APBB2: variants seen among roughly 807,000 people sequenced by gnomAD.
The protein encoded by APBB2 is amyloid beta precursor protein binding family B member 2.
In APBB2, 38 loss-of-function variants were observed where a neutral mutation model predicts 82.5. That is an observed-to-expected ratio of 0.46 (90% CI 0.36 to 0.60). The LOEUF is 0.60. APBB2 is among the 20% of genes least tolerant of loss of function. APBB2 has a pLI of 0.00. For synonymous variants in APBB2, 341 were observed against 368.2 expected, an observed-to-expected ratio of 0.93 and a Z score of 0.85; for missense variants, 772 against 972.3, an observed-to-expected ratio of 0.79 and a Z score of 2.74.
intron 3 of APBB2, among the ~76,000 whole-genome samples, chr4:41,095,105 T>C (rs1743075543): frequency 6.6e-6 from 1 of 152,234 alleles, no homozygotes; most frequent in Non-Finnish European, 1.5e-5. Flanking sequence ...GTTAAGAGCA[T>C]AAACATGACA....
intron 12 of APBB2, among the ~76,000 whole-genome samples, chr4:40,879,551 A>C (rs564921188): frequency 3.0e-4 from 45 of 152,208 alleles, no homozygotes; most frequent in Non-Finnish European, 5.6e-4. Flanking sequence ...ATGAAGAGTC[A>C]CCAACTCGTT....
intron 6 of APBB2, among the ~76,000 whole-genome samples, chr4:40,989,713 C>T (rs1452226970): frequency 2.0e-5 from 3 of 152,194 alleles, no homozygotes; most frequent in Non-Finnish European, 2.9e-5. Flanking sequence ...GTCCAGGTCT[C>T]GCTGTCCCAA....
chr4:41,137,560 T>A (rs1757923527), intron 2 of APBB2, among the ~76,000 whole-genome samples: 2 of 152,190 alleles, frequency 1.3e-5, no homozygotes, highest in South Asian at 4.1e-4. Context: ...ACAACAGTGT[T>A]TTTTAGTGAA....
chr4:40,825,291 A>T (rs1749503611), intron 15 of APBB2, among the ~76,000 whole-genome samples: 1 of 152,198 alleles, frequency 6.6e-6, no homozygotes, highest in South Asian at 2.1e-4. Flanking sequence ...AGAATGCCAG[A>T]CTGTTTTCCA....
intron 6 of APBB2, among the ~76,000 whole-genome samples, chr4:41,004,176 C>T (rs1200491862): frequency 6.6e-6 from 1 of 152,158 alleles, no homozygotes; most frequent in Non-Finnish European, 1.5e-5. Context: ...ACCTCGGCCT[C>T]CCAAACTGCT....
At chr4:41,057,228 A>T (rs1312292780) in intron 4 of APBB2, among the ~76,000 whole-genome samples, 2 of 152,190 alleles carry the variant, frequency 1.3e-5, no homozygotes, top group African/African-American at 4.8e-5. Context: ...AGGCGGGCAG[A>T]TCACCTCAGG....
intron 2 of APBB2, among the ~76,000 whole-genome samples, chr4:41,102,426 T>C (rs1018367614): frequency 2.0e-5 from 3 of 152,238 alleles, no homozygotes; most frequent in African/African-American, 2.4e-5. Flanking sequence ...GGCATCACTG[T>C]ATTACCATAC....
intron 5 of APBB2, among the ~76,000 whole-genome samples, chr4:41,020,240 C>T (rs62412123): frequency 0.046 from 6,973 of 152,306 alleles, 337 homozygotes; most frequent in African/African-American, 0.12. Flanking sequence ...AACCCATAGC[C>T]TTCCTATCAA....
At chr4:41,066,578 G>A (rs1403758943) in intron 3 of APBB2, among the ~76,000 whole-genome samples, 1 of 152,220 alleles carries the variant, frequency 6.6e-6, no homozygotes, top group African/African-American at 2.4e-5. Context: ...GAAATGGACA[G>A]GTCAGGGAGG....
chr4:40,935,023 G>T, intron 8 of APBB2, 54 bp downstream of exon 8: 1 of 1,345,970 alleles, frequency 7.4e-7, no homozygotes, highest in African/African-American at 1.5e-5. Context: ...TACAGCCACA[G>T]CCATGCAGAA....
chr4:40,968,720 C>A (rs1795259428), intron 6 of APBB2, among the ~76,000 whole-genome samples: 1 of 152,144 alleles, frequency 6.6e-6, no homozygotes, highest in Admixed American at 6.5e-5. Context: ...CTATCTGACA[C>A]TAAAACTTGT....
At chr4:41,201,105 T>C (rs1225404170) in intron 1 of APBB2, among the ~76,000 whole-genome samples, 1 of 152,206 alleles carries the variant, frequency 6.6e-6, no homozygotes, top group Non-Finnish European at 1.5e-5. Context: ...AGTTGCCTTA[T>C]ACGGAGGGCT....
chr4:41,097,809 C>A (rs1392616622), intron 3 of APBB2, among the ~76,000 whole-genome samples: 1 of 151,890 alleles, frequency 6.6e-6, no homozygotes, highest in Non-Finnish European at 1.5e-5. Flanking sequence ...AAGACACATG[C>A]AATTAAGAAA....
chr4:41,118,210 C>CAAAACAA (rs546963934), intron 2 of APBB2: 8 of 151,916 alleles, frequency 5.3e-5, no homozygotes, highest in Non-Finnish European at 4.4e-5. Flanking sequence ...AAGATCCTAT[C>CAAAACAA]AAAACAAAAA....
At chr4:40,975,753 A>AACACACACAC (rs368424451) in intron 6 of APBB2, among the ~76,000 whole-genome samples, 12,435 of 141,918 alleles carry the variant, frequency 0.088, 574 homozygotes, top group Middle Eastern at 0.14. Flanking sequence ...GTAGTAAGAA[A>AACACACACAC]ACACACACAC....
intron 6 of APBB2, among the ~76,000 whole-genome samples, chr4:40,995,122 C>T (rs896158819): frequency 9.2e-5 from 14 of 152,178 alleles, no homozygotes; most frequent in Admixed American, 2.0e-4. Context: ...CATCCAACAC[C>T]CCTTTGGCTG....
At chr4:40,852,841 A>G (rs1294885049) in intron 12 of APBB2, among the ~76,000 whole-genome samples, 2 of 152,112 alleles carry the variant, frequency 1.3e-5, no homozygotes, top group Non-Finnish European at 2.9e-5. Flanking sequence ...AGGTTTTGCC[A>G]CGTTGCCCAG....
chr4:40,869,199 G>T (rs1038124349), intron 12 of APBB2, among the ~76,000 whole-genome samples: 1 of 152,224 alleles, frequency 6.6e-6, no homozygotes, highest in Non-Finnish European at 1.5e-5. Flanking sequence ...GAAGAATAAA[G>T]TAGAATGAAT....
intron 6 of APBB2, among the ~76,000 whole-genome samples, chr4:40,947,572 C>T (rs1011801772): frequency 1.6e-4 from 25 of 152,198 alleles, no homozygotes; most frequent in African/African-American, 5.8e-4. Context: ...ATTAAACCCA[C>T]CCTAGTTTTA....
Sources: allele counts gnomAD v4.1 joint callset (sites outside exome capture counted in the v4.1 genomes callset), GRCh38; gene constraint gnomAD v4.1.1; transcripts MANE v1.5; gene names NCBI Gene and HGNC (gene_info 2026-07-23, HGNC 2026-07-21).